The following COL4A6 variants were observed in gnomAD, a reference collection of about 807,000 sequenced individuals.
COL4A6 encodes the protein collagen alpha-6(IV) chain.
COL4A6 carries 59 observed loss-of-function variants against 126.7 expected under a neutral mutation model. The ratio of observed to expected loss-of-function variants is 0.47; its 90% CI spans 0.38 to 0.58. The LOEUF (loss-of-function observed/expected upper bound fraction) is 0.58, where lower values mean the gene tolerates loss of function less well. COL4A6 is among the 20% of genes least tolerant of loss of function. The pLI is 0.00. For missense variants in COL4A6, 1,285 were observed against 1,337.3 expected (o/e 0.96, Z 0.61); for synonymous variants, 547 against 496.6 (o/e 1.10, Z -1.35).
intron 2 of COL4A6, among the ~76,000 whole-genome samples, chrX:108,333,299 G>T (rs1345833601): frequency 2.7e-5 from 3 of 110,986 alleles, no homozygotes; most frequent in Admixed American, 9.6e-5. Flanking sequence ...CACATAAACA[G>T]AATTAAAAAC....
chrX:108,254,970 T>C (rs777146841), intron 3 of COL4A6, among the ~76,000 whole-genome samples: 1 of 108,854 alleles, frequency 9.2e-6, no homozygotes, highest in Non-Finnish European at 1.9e-5. Flanking sequence ...TTCTTAACTA[T>C]AGTGATCTTA....
intron 40 of COL4A6, among the ~76,000 whole-genome samples, chrX:108,164,235 T>C (rs1166615703): frequency 1.8e-5 from 2 of 111,507 alleles, no homozygotes; most frequent in Admixed American, 9.5e-5. Context: ...GGCTTGCTAC[T>C]AGATTGCATG....
Position 108,300,281 on chromosome X carries a change from A to G in COL4A6, c.144+10467T>C, listed in dbSNP as rs745923165. ...AGAACTATTTTCCAGCTAATTTTTT[A>G]AAAATTAAAATGTCATACATTCATC... is the stretch of plus-strand genomic sequence containing the variant. On this transcript the variant is annotated intron_variant, in intron 3 of 44. Transcript: ENST00000334504. Among the ~76,000 whole-genome samples, 77 of 111,381 alleles carry G rather than the reference A, an allele frequency of 6.9e-4. 1 individual carries two copies. Among genetic ancestry groups the G allele is most frequent in the Non-Finnish European group, 1.3e-3 (67 of 53,095 alleles).
chrX:108,351,987 G>A (rs2039858181), intron 2 of COL4A6, among the ~76,000 whole-genome samples: 1 of 112,271 alleles, frequency 8.9e-6, no homozygotes, highest in South Asian at 3.7e-4. Flanking sequence ...AATTGTCTGG[G>A]TAATTGCCAT....
intron 18 of COL4A6, among the ~76,000 whole-genome samples, chrX:108,191,837 G>A (rs989545381): frequency 1.8e-5 from 2 of 111,574 alleles, no homozygotes; most frequent in African/African-American, 6.5e-5. Context: ...CCTGGGGCCA[G>A]CTGTACCATT....
rs768415717 is a variant in COL4A6 at position 108,437,959 on chromosome X, C to T, written c.46G>A (p.Glu16Lys). ...AGACTCACCGCTGCTGCCAGTTCCT[C>T]GGTCAGGCACAACGTAACCAGGAGC... Reference protein sequence around the residue: ...WLLLVTLCLTEELAAAGEKSY... With the variant: ...WLLLVTLCLTKELAAAGEKSY... The change falls in exon 2 of 45, where the codon GAG becomes AAG. Residue 16 changes from glutamate (E) to lysine (K), a missense_variant. Transcript: ENST00000334504. 13 of 1,211,039 alleles carry T rather than the reference C, an allele frequency of 1.1e-5. No homozygotes were observed. The South Asian group carries it at 1.6e-4, about 15-fold the overall frequency.
chrX:108,408,894 G>A (rs1359347686), intron 2 of COL4A6, among the ~76,000 whole-genome samples: 1 of 112,075 alleles, frequency 8.9e-6, no homozygotes, highest in Non-Finnish European at 1.9e-5. Flanking sequence ...CCGGGAGGCA[G>A]AGGTTGTGGT....
At chrX:108,397,231 C>T (rs1048856559) in intron 2 of COL4A6, among the ~76,000 whole-genome samples, 1 of 111,321 alleles carries the variant, frequency 9.0e-6, no homozygotes, top group Non-Finnish European at 1.9e-5. Flanking sequence ...GGACAAGTCC[C>T]TCAACCCTTC....
intron 3 of COL4A6, among the ~76,000 whole-genome samples, chrX:108,224,483 A>G (rs1316980665): frequency 9.0e-6 from 1 of 111,448 alleles, no homozygotes; most frequent in Non-Finnish European, 1.9e-5. Flanking sequence ...AAGGGCCAGA[A>G]GCAGGGCCTG....
Position 108,160,569 on chromosome X carries a change from G to A in COL4A6, c.4419C>T (p.Ser1473=), listed in dbSNP as rs1484446189. 8.3e-7 allele frequency: 1 copy of A among 1,210,076 alleles called. No homozygotes were observed. The highest frequency in any genetic ancestry group is 1.7e-5 in the African/African-American group (1 of 57,235). The change falls in exon 43 of 45, where the codon AGC becomes AGT. Residue 1473 remains serine, a synonymous_variant. Transcript: ENST00000334504. ...MRVGYTLVKH[S]QSEQVPPCPI... ...GACACGGGGGCACCTGTTCCGACTG[G>A]CTGTGCTTTACCAACGTGTAGCCCA...
At chrX:108,189,638 A>C (rs1032788464) in intron 20 of COL4A6, among the ~76,000 whole-genome samples, 4 of 112,518 alleles carry the variant, frequency 3.6e-5, no homozygotes, top group Non-Finnish European at 7.5e-5. Context: ...TTTCCATCAA[A>C]TAGTTTTCCT....
intron 3 of COL4A6, among the ~76,000 whole-genome samples, chrX:108,295,194 A>T (rs996289637): frequency 1.8e-5 from 2 of 112,151 alleles, no homozygotes; most frequent in African/African-American, 6.5e-5. Context: ...CACAGATGGG[A>T]TTACTAGACA....
intron 31 of COL4A6, among the ~76,000 whole-genome samples, chrX:108,173,096 C>A: frequency 8.9e-6 from 1 of 112,685 alleles, no homozygotes; most frequent in Non-Finnish European, 1.9e-5. Flanking sequence ...AACACACTAT[C>A]TGAGTCTGGG....
intron 8 of COL4A6, among the ~76,000 whole-genome samples, chrX:108,208,478 C>T (rs749417675): frequency 1.8e-5 from 2 of 112,164 alleles, no homozygotes; most frequent in South Asian, 7.5e-4. Flanking sequence ...TGAAATAACA[C>T]AGTGTTCACT....
chrX:108,307,481 C>T (rs760960239), intron 3 of COL4A6, among the ~76,000 whole-genome samples: 2 of 112,141 alleles, frequency 1.8e-5, no homozygotes, highest in Non-Finnish European at 3.8e-5. Flanking sequence ...ATAGCTTCAT[C>T]CAAAAAGGGT....
intron 2 of COL4A6, among the ~76,000 whole-genome samples, chrX:108,408,416 AT>A (rs936867612): frequency 2.7e-5 from 3 of 111,328 alleles, no homozygotes; most frequent in Admixed American, 9.5e-5. Flanking sequence ...AGTCCACACA[AT>A]TTTTTTTCTG....
chrX:108,308,493 G>A (rs182117854), intron 3 of COL4A6, among the ~76,000 whole-genome samples: 126 of 112,018 alleles, frequency 1.1e-3, no homozygotes, highest in African/African-American at 3.9e-3. Flanking sequence ...TTTATTTGCT[G>A]TATCTTTGCA....
At position 108,188,554 on chromosome X, in the gene COL4A6, C is replaced by T. The variant is rs772996187; in HGVS notation, c.1550G>A (p.Arg517Gln). ...TGGGCCCTGTGCACCCCCAGAGCCT[C>T]GATCTCCTCTGGCTCCTTTAAGGCC... The part of the protein sequence containing the change: ...LPGLKGARGD[R>Q]GSGGAQGPAG... Residue 517 changes from arginine to glutamine, a missense_variant, in exon 21 of 45, where the codon CGA becomes CAA. Arg to Gln is a conservative substitution (Grantham distance 43). Transcript: ENST00000334504. 1.2e-5 allele frequency: 14 copies of T among 1,176,769 alleles called. No homozygotes were observed. Among genetic ancestry groups the T allele is most frequent in the South Asian group, 7.9e-5 (4 of 50,568 alleles).
intron 2 of COL4A6, among the ~76,000 whole-genome samples, chrX:108,381,471 AG>A (rs1345558892): frequency 2.3e-4 from 26 of 112,333 alleles, no homozygotes; most frequent in Admixed American, 2.0e-3. Flanking sequence ...TTTTAAAAAA[AG>A]AAGCATTGTA....
Sources: allele counts gnomAD v4.1 joint callset (sites outside exome capture counted in the v4.1 genomes callset), GRCh38; gene constraint gnomAD v4.1.1; transcripts MANE v1.5; gene names NCBI Gene and HGNC (gene_info 2026-07-23, HGNC 2026-07-21).